Variants in OPCML observed in about 807,000 individuals in gnomAD.
OPCML encodes the protein opioid binding protein/cell adhesion molecule like.
OPCML carries 13 observed loss-of-function variants against 37.8 expected under a neutral mutation model. The ratio of observed to expected loss-of-function variants is 0.34; its 90% CI spans 0.22 to 0.55. The LOEUF (loss-of-function observed/expected upper bound fraction) is 0.55. Among genes scored for constraint, OPCML ranks in the 20% least tolerant of loss-of-function variants. OPCML has a pLI of 0.91. For missense variants in OPCML, 341 were observed against 435.6 expected (o/e 0.78, Z 1.93); for synonymous variants, 176 against 168.8 (o/e 1.04, Z -0.33).
chr11:133,382,806 A>G (rs1038671491), intron 1 of OPCML, among the ~76,000 whole-genome samples: 47 of 152,208 alleles, frequency 3.1e-4, no homozygotes, highest in African/African-American at 1.0e-3. Context: ...GAGGCCTCTG[A>G]GGGGAGAGGA....
intron 4 of OPCML, among the ~76,000 whole-genome samples, chr11:132,477,949 A>G (rs1032949620): frequency 2.0e-5 from 3 of 152,232 alleles, no homozygotes; most frequent in African/African-American, 7.2e-5. Flanking sequence ...ATGTATGCAT[A>G]TATTTCTGAG....
At chr11:132,618,321 A>G (rs1178182389) in intron 3 of OPCML, among the ~76,000 whole-genome samples, 1 of 152,186 alleles carries the variant, frequency 6.6e-6, no homozygotes, top group African/African-American at 2.4e-5. Flanking sequence ...ACTGGCCAAC[A>G]TGGTGAAACC....
chr11:133,004,980 T>A, intron 1 of OPCML: 1 of 985,348 alleles, frequency 1.0e-6, no homozygotes, highest in Non-Finnish European at 1.2e-6. Context: ...CCTTCCCACC[T>A]GGACTGCTGC....
At chr11:133,131,206 C>A (rs1185589843) in intron 1 of OPCML, among the ~76,000 whole-genome samples, 5 of 152,030 alleles carry the variant, frequency 3.3e-5, no homozygotes, top group African/African-American at 1.2e-4. Flanking sequence ...TTCCCATACT[C>A]CAGAACTGTA....
At position 132,616,831 on chromosome 11, in the gene OPCML, T is replaced by G. The variant is rs2137886112; in HGVS notation, c.379+40256A>C. ...TTTTGTAGGATTATTTCCACACCCC[T>G]CAGACTATATTTTAAGCACTTGGAG... On this transcript the variant is annotated intron_variant, in intron 3 of 7. Transcript: ENST00000524381. Among the ~76,000 whole-genome samples, 3 of 152,288 alleles carry G rather than the reference T, an allele frequency of 2.0e-5. No homozygotes were observed. In the Middle Eastern group the frequency reaches 0.01, roughly 518 times the overall value.
At chr11:132,999,568 TC>T (rs1032193204) in intron 1 of OPCML, among the ~76,000 whole-genome samples, 55 of 95,594 alleles carry the variant, frequency 5.8e-4, no homozygotes, top group East Asian at 1.1e-3. Context: ...ACAAATGGGG[TC>T]GGGGGGGGAA....
chr11:132,870,451 G>C (rs1307749029), intron 2 of OPCML, among the ~76,000 whole-genome samples: 1 of 152,050 alleles, frequency 6.6e-6, no homozygotes. Flanking sequence ...CAGGATGACA[G>C]TTCTTCAAAA....
chr11:132,776,357 C>T (rs948617601), intron 2 of OPCML, among the ~76,000 whole-genome samples: 2 of 152,108 alleles, frequency 1.3e-5, no homozygotes, highest in African/African-American at 2.4e-5. Context: ...ATTTCACAAA[C>T]GAAGACTGTA....
At chr11:132,709,823 G>T (rs372571921) in intron 2 of OPCML, among the ~76,000 whole-genome samples, 2 of 152,224 alleles carry the variant, frequency 1.3e-5, no homozygotes, top group African/African-American at 4.8e-5. Context: ...ATACGCGTCA[G>T]AGGGGATTCG....
At chr11:132,647,707 G>C (rs1941226012) in intron 3 of OPCML, among the ~76,000 whole-genome samples, 1 of 152,132 alleles carries the variant, frequency 6.6e-6, no homozygotes, top group Non-Finnish European at 1.5e-5. Flanking sequence ...GGAGGGGTAG[G>C]TCTTGCGGTC....
chr11:132,939,341 C>T (rs1288161519), intron 2 of OPCML, among the ~76,000 whole-genome samples: 3 of 152,150 alleles, frequency 2.0e-5, no homozygotes, highest in Non-Finnish European at 4.4e-5. Flanking sequence ...ACCTCAAATA[C>T]TTGGTTTTGA....
intron 2 of OPCML, among the ~76,000 whole-genome samples, chr11:132,932,242 T>G (rs760718067): frequency 6.6e-6 from 1 of 152,130 alleles, no homozygotes; most frequent in Non-Finnish European, 1.5e-5. Context: ...TGGTGACAGT[T>G]GCACAGCAAC....
intron 1 of OPCML, among the ~76,000 whole-genome samples, chr11:133,146,242 C>T (rs1200249260): frequency 6.6e-6 from 1 of 151,346 alleles, no homozygotes; most frequent in Non-Finnish European, 1.5e-5. Flanking sequence ...GCTTGGAGCT[C>T]TGGGAGGGAG....
At chr11:133,070,148 C>T (rs532283829) in intron 1 of OPCML, among the ~76,000 whole-genome samples, 1 of 152,246 alleles carries the variant, frequency 6.6e-6, no homozygotes, top group Admixed American at 6.5e-5. Context: ...TATATTACCT[C>T]GGGCATCTGC....
At chr11:133,363,198 T>C (rs762294179) in intron 1 of OPCML, among the ~76,000 whole-genome samples, 4 of 152,166 alleles carry the variant, frequency 2.6e-5, no homozygotes, top group African/African-American at 4.8e-5. Context: ...GGAAACCCCA[T>C]CATGTCGCTG....
chr11:133,475,710 A>C (rs1947224918), intron 1 of OPCML, among the ~76,000 whole-genome samples: 1 of 152,186 alleles, frequency 6.6e-6, no homozygotes, highest in African/African-American at 2.4e-5. Flanking sequence ...ATCCAGTCTT[A>C]ACCTTTGAAA....
intron 1 of OPCML, among the ~76,000 whole-genome samples, chr11:133,101,981 T>C (rs770622529): frequency 3.9e-5 from 6 of 152,072 alleles, no homozygotes; most frequent in Non-Finnish European, 7.4e-5. Context: ...CTATGTACTG[T>C]CTGATTCCAA....
chr11:133,154,426 C>A (rs1950028523), intron 1 of OPCML, among the ~76,000 whole-genome samples: 1 of 152,092 alleles, frequency 6.6e-6, no homozygotes, highest in Non-Finnish European at 1.5e-5. Context: ...ATTTTTGTAA[C>A]AGGTTCTGCA....
At chr11:133,416,009 A>G (rs1041996578) in intron 1 of OPCML, among the ~76,000 whole-genome samples, 7 of 152,230 alleles carry the variant, frequency 4.6e-5, no homozygotes, top group Admixed American at 1.3e-4. Context: ...CCGAAAAGAA[A>G]CACAGGCCTA....
Sources: gnomAD v4.1 joint callset for allele counts (sites outside exome capture counted in the v4.1 genomes callset) on GRCh38, gnomAD v4.1.1 for gene constraint, MANE v1.5 for transcripts, NCBI Gene and HGNC (gene_info 2026-07-23, HGNC 2026-07-21) for gene names.